Variants in VAV3 observed in about 807,000 individuals in gnomAD.
VAV3 encodes vav guanine nucleotide exchange factor 3, also known as guanine nucleotide exchange factor VAV3.
A neutral mutation model predicts 131.2 loss-of-function variants in VAV3; 94 were observed. The observed-to-expected ratio is 0.72, with a 90% CI of 0.61 to 0.85. The LOEUF (loss-of-function observed/expected upper bound fraction) is 0.85, where lower values mean the gene tolerates loss of function less well. Among genes scored for constraint, VAV3 ranks in the 40% least tolerant of loss-of-function variants. The pLI is 0.00. For synonymous variants in VAV3, 349 were observed against 342.0 expected (o/e 1.02, Z -0.22); for missense variants, 939 against 1,002.7 (o/e 0.94, Z 0.86).
chr1:107,775,321 C>G (rs1416235783), intron 4 of VAV3, among the ~76,000 whole-genome samples: 2 of 152,102 alleles, frequency 1.3e-5, no homozygotes, highest in Non-Finnish European at 2.9e-5. Flanking sequence ...TGGTTCACAC[C>G]TGTAGTCCCA....
At chr1:107,879,603 A>G (rs960917089) in intron 1 of VAV3, among the ~76,000 whole-genome samples, 1 of 152,050 alleles carries the variant, frequency 6.6e-6, no homozygotes, top group African/African-American at 2.4e-5. Context: ...GTTATCTGCT[A>G]GACCTTTGAA....
At position 107,737,415 on chromosome 1, in the gene VAV3, G is replaced by C. The variant is rs568578852; in HGVS notation, c.1502+11553C>G. Among the ~76,000 whole-genome samples, 10 of 152,254 alleles carry C rather than the reference G, an allele frequency of 6.6e-5. No individual in the cohort carries two copies. In the East Asian group the frequency reaches 1.7e-3, roughly 26 times the overall value. ...AAAGAAACTGCCATCAGAGTGAACA[G>C]GCAACCTACAGAATGGAAGAAAATT... On this transcript the variant is annotated intron_variant, in intron 15 of 26. Coordinates refer to ENST00000370056, the MANE Select transcript of VAV3 (RefSeq NM_006113.5).
At chr1:107,754,796 T>C (rs550055852) in intron 12 of VAV3, among the ~76,000 whole-genome samples, 1 of 152,280 alleles carries the variant, frequency 6.6e-6, no homozygotes, top group South Asian at 2.1e-4. Flanking sequence ...TTTCACCTGC[T>C]ACGGCTTCTG....
chr1:107,786,692 A>G (rs1160445973), intron 2 of VAV3, among the ~76,000 whole-genome samples: 1 of 152,218 alleles, frequency 6.6e-6, no homozygotes, highest in Non-Finnish European at 1.5e-5. Context: ...GTGACCTCAC[A>G]TAGAACTGAA....
At chr1:107,885,949 C>T (rs775438150) in intron 1 of VAV3, among the ~76,000 whole-genome samples, 6 of 152,174 alleles carry the variant, frequency 3.9e-5, no homozygotes, top group Non-Finnish European at 8.8e-5. Context: ...GTCAATCCCA[C>T]TAGGTTTAGT....
At chr1:107,867,258 G>A (rs1670031671) in intron 2 of VAV3, among the ~76,000 whole-genome samples, 2 of 152,154 alleles carry the variant, frequency 1.3e-5, no homozygotes, top group African/African-American at 4.8e-5. Flanking sequence ...TTACAGAAGA[G>A]TAAAGAGTTT....
At chr1:107,931,965 TC>T (rs1673458678) in intron 1 of VAV3, among the ~76,000 whole-genome samples, 2 of 152,202 alleles carry the variant, frequency 1.3e-5, no homozygotes, top group South Asian at 4.1e-4. Flanking sequence ...TCTATTACAT[TC>T]TTAACAGTAC....
intron 2 of VAV3, among the ~76,000 whole-genome samples, chr1:107,792,576 T>A (rs951342436): frequency 6.6e-5 from 10 of 152,230 alleles, no homozygotes; most frequent in Non-Finnish European, 1.3e-4. Flanking sequence ...TGTTAATTAC[T>A]TAAGAAAACT....
intron 2 of VAV3, among the ~76,000 whole-genome samples, chr1:107,786,898 T>C (rs1296811862): frequency 1.3e-5 from 2 of 152,192 alleles, no homozygotes; most frequent in Non-Finnish European, 2.9e-5. Context: ...TTTTATTCAG[T>C]GGTTATTATT....
At chr1:107,859,478 T>C (rs1388473096) in intron 2 of VAV3, among the ~76,000 whole-genome samples, 1 of 147,700 alleles carries the variant, frequency 6.8e-6, no homozygotes, top group African/African-American at 2.6e-5. Flanking sequence ...TAATTCTCGA[T>C]GACTGATTTA....
Position 107,779,450 on chromosome 1 carries a change from A to G in VAV3, c.364T>C (p.Leu122=), listed in dbSNP as rs776257381. The change falls in exon 3 of 27, where the codon TTG becomes CTG. Residue 122 remains leucine (L), a synonymous_variant. Coordinates refer to ENST00000370056, the MANE Select transcript of VAV3 (RefSeq NM_006113.5). ...LSRLSRTPIA[L]ATGIRPFPTE... ...AGAGCTTACCTGATTCCTGTGGCCA[A>G]TGCTATAGGTGTTCGAGAAAGTCGT... The G allele has an allele frequency of 1.8e-5, 29 of 1,590,750 alleles. No individual in the cohort carries two copies. The highest frequency in any genetic ancestry group is 2.3e-5 in the Non-Finnish European group (27 of 1,168,420).
intron 2 of VAV3, among the ~76,000 whole-genome samples, chr1:107,861,186 T>C (rs1557887326): frequency 6.6e-6 from 1 of 151,692 alleles, no homozygotes; most frequent in East Asian, 1.9e-4. Flanking sequence ...TATATGCTTT[T>C]GATTGCTTAT....
intron 19 of VAV3, among the ~76,000 whole-genome samples, chr1:107,679,687 T>G (rs1658465870): frequency 6.6e-6 from 1 of 152,220 alleles, no homozygotes. Context: ...GTATTAAAAT[T>G]TAATTGGTAA....
intron 20 of VAV3, among the ~76,000 whole-genome samples, chr1:107,634,821 C>G (rs1336759010): frequency 6.6e-6 from 1 of 152,060 alleles, no homozygotes; most frequent in African/African-American, 2.4e-5. Context: ...AGGATATGAA[C>G]AGACACTTCT....
At chr1:107,920,110 T>C (rs1294251362) in intron 1 of VAV3, among the ~76,000 whole-genome samples, 2 of 152,200 alleles carry the variant, frequency 1.3e-5, no homozygotes, top group Non-Finnish European at 2.9e-5. Context: ...GAAACAGTTA[T>C]ACTTTCTTTC....
intron 2 of VAV3, among the ~76,000 whole-genome samples, chr1:107,836,308 A>G (rs974363545): frequency 6.6e-6 from 1 of 152,216 alleles, no homozygotes; most frequent in Non-Finnish European, 1.5e-5. Flanking sequence ...AAATTCAAAC[A>G]ACTTACTCCT....
At chr1:107,708,942 A>G (rs923449052) in intron 15 of VAV3, among the ~76,000 whole-genome samples, 1 of 151,426 alleles carries the variant, frequency 6.6e-6, no homozygotes, top group Non-Finnish European at 1.5e-5. Flanking sequence ...CCGCACACCC[A>G]CACACACATA....
intron 1 of VAV3, among the ~76,000 whole-genome samples, chr1:107,920,425 C>A (rs2101151423): frequency 6.6e-6 from 1 of 152,252 alleles, no homozygotes. Flanking sequence ...CCAAACCAAA[C>A]CAAACAAAAA....
intron 19 of VAV3, among the ~76,000 whole-genome samples, chr1:107,651,956 G>T (rs972145333): frequency 1.1e-4 from 17 of 151,934 alleles, no homozygotes; most frequent in Non-Finnish European, 2.5e-4. Flanking sequence ...TGCTTTCTTA[G>T]GGTTCCTTAA....
Sources: allele counts gnomAD v4.1 joint callset (sites outside exome capture counted in the v4.1 genomes callset), GRCh38; gene constraint gnomAD v4.1.1; transcripts MANE v1.5; gene names NCBI Gene and HGNC (gene_info 2026-07-23, HGNC 2026-07-21).